RGPD4: variants seen among roughly 807,000 people sequenced by gnomAD.
RGPD4 encodes RANBP2 like and GRIP domain containing 4, also known as ranBP2-like and GRIP domain-containing protein 4.
Under a neutral mutation model 141.1 loss-of-function variants are expected in RGPD4, and 84 were observed. The observed-to-expected ratio is 0.60, with a 90% confidence interval of 0.50 to 0.71. RGPD4 has a LOEUF of 0.71. Ranked by LOEUF, RGPD4 falls within the 30% of genes least tolerant of loss-of-function variation. The probability of loss-of-function intolerance (pLI) is 0.00; values close to 1 mark genes in which losing one functional copy is unlikely to be tolerated. For missense variants in RGPD4, 918 were observed against 1,622.4 expected (o/e 0.57, Z 7.46); for synonymous variants, 298 against 566.8 (o/e 0.53, Z 6.74).
rs1239431040 is a variant in RGPD4 at position 107,840,997 on chromosome 2, G to A, written c.406-2012G>A. Reference sequence around the variant, plus strand: ...CAACTGCTATGAACAATCATGTCCAGATTTTTGAAGCTGAAAAAGCATTGA... The same window carrying A: ...CAACTGCTATGAACAATCATGTCCAAATTTTTGAAGCTGAAAAAGCATTGA... On this transcript the variant is annotated intron_variant, in intron 4 of 22. Coordinates refer to ENST00000408999, the MANE Select transcript of RGPD4 (RefSeq NM_182588.3). Among the ~76,000 whole-genome samples, 6 of 72,226 alleles carry A rather than the reference G, an allele frequency of 8.3e-5. 1 individual carries two copies. The highest frequency in any genetic ancestry group is 1.1e-4 in the Admixed American group (1 of 9,180). The allele number at this position is 72,226 out of a possible 152,430, so 47.4% of individuals were successfully genotyped here.
chr2:107,858,146 CT>C (rs938891383), intron 9 of RGPD4, among the ~76,000 whole-genome samples: 2 of 151,874 alleles, frequency 1.3e-5, no homozygotes, highest in African/African-American at 4.9e-5. Context: ...GCAATATAAT[CT>C]TTTTTATGAA....
chr2:107,829,626 G>A (rs916610419), intron 1 of RGPD4, among the ~76,000 whole-genome samples: 4 of 151,944 alleles, frequency 2.6e-5, no homozygotes, highest in Non-Finnish European at 4.4e-5. Flanking sequence ...TTGAGGCGCC[G>A]GCCGGCTGGC....
intron 22 of RGPD4, among the ~76,000 whole-genome samples, chr2:107,884,375 C>T (rs1169850386): frequency 6.6e-6 from 1 of 152,210 alleles, no homozygotes; most frequent in Non-Finnish European, 1.5e-5. Context: ...GCTGGGATTA[C>T]AGGTGTGAGA....
chr2:107,832,121 C>A (rs1681514920), intron 1 of RGPD4, among the ~76,000 whole-genome samples: 1 of 151,684 alleles, frequency 6.6e-6, no homozygotes, highest in Non-Finnish European at 1.5e-5. Context: ...CTTACTTAAA[C>A]TCAGCAACTT....
chr2:107,884,341 C>T (rs527370588), intron 22 of RGPD4, among the ~76,000 whole-genome samples: 18 of 152,230 alleles, frequency 1.2e-4, no homozygotes, highest in Admixed American at 1.2e-3. Context: ...ACCTTGTGAT[C>T]TGCCCACCTT....
chr2:107,829,681 C>T (rs2104391867), intron 1 of RGPD4, among the ~76,000 whole-genome samples: 1 of 152,256 alleles, frequency 6.6e-6, no homozygotes, highest in African/African-American at 2.4e-5. Context: ...AGGAAGAGTC[C>T]TGGGGGGACC....
intron 22 of RGPD4, among the ~76,000 whole-genome samples, chr2:107,885,241 C>G (rs2104520626): frequency 6.6e-6 from 1 of 152,088 alleles, no homozygotes; most frequent in Non-Finnish European, 1.5e-5. Flanking sequence ...AAGAGTAAAA[C>G]TGCCCCTATA....
At position 107,827,047 on chromosome 2, in the gene RGPD4, G is replaced by A. The variant is rs200269994; in HGVS notation, c.34G>A (p.Val12Ile). 6.3e-6 allele frequency: 10 copies of A among 1,597,502 alleles called. No individual in the cohort carries two copies. The highest frequency in any genetic ancestry group is 5.4e-5 in the African/African-American group (4 of 74,568). ...SCSKAYGERY[V>I]ASVQGSAPSP... ...CAGCAAGGCCTACGGGGAGCGGTAC[G>A]TCGCCTCCGTGCAGGGCTCCGCCCC... The change falls in exon 1 of 23, where the codon GTC becomes ATC. Residue 12 changes from valine to isoleucine, a missense_variant. Transcript: ENST00000408999.
chr2:107,844,447 A>G (rs1291760537), intron 6 of RGPD4, among the ~76,000 whole-genome samples: 1 of 152,234 alleles, frequency 6.6e-6, no homozygotes, highest in Non-Finnish European at 1.5e-5. Context: ...TGGTTGCAGC[A>G]GAGATTGTAT....
At position 107,847,858 on chromosome 2, in the gene RGPD4, A is replaced by G. The variant is rs1349903722; in HGVS notation, c.783-483A>G. On this transcript the variant is annotated intron_variant, in intron 6 of 22. Coordinates refer to ENST00000408999, the MANE Select transcript of RGPD4 (RefSeq NM_182588.3). The stretch of plus-strand genomic sequence containing the variant: ...AAAAAAAAAAAAAGACAATTTATTT[A>G]ATGCTGTAATGATCTATATAGTAAA... 1.7e-3 allele frequency among the ~76,000 whole-genome samples: 207 copies of G among 121,596 alleles called. 2 individuals carry two copies. Among genetic ancestry groups the G allele is most frequent in the African/African-American group, 6.2e-3 (192 of 30,962 alleles). The allele number at this position is 121,596 out of a possible 152,430, so 79.8% of individuals were successfully genotyped here. A position where few individuals can be genotyped will look rare whatever the true frequency, so the allele number is the denominator to read the frequency against.
intron 21 of RGPD4, among the ~76,000 whole-genome samples, 152 bp downstream of exon 21, chr2:107,880,259 CTT>C (rs58305715): frequency 7.7e-4 from 37 of 48,174 alleles, no homozygotes; most frequent in South Asian, 1.3e-3. Flanking sequence ...GAAATATTGC[CTT>C]TTTTTTTTTT....
At chr2:107,859,586 T>C (rs1682464776) in intron 11 of RGPD4, 32 bp downstream of exon 11, 3 of 1,611,512 alleles carry the variant, frequency 1.9e-6, no homozygotes, top group Admixed American at 1.7e-5. Context: ...TTGCTTTCAC[T>C]TAGTGCGTAG....
In RGPD4 at chr2:107,858,516, G is replaced by A. The variant is rs550722592; in HGVS notation, c.1277-598G>A. Among the ~76,000 whole-genome samples the A allele has an allele frequency of 1.2e-4, 18 of 151,194 alleles. No individual in the cohort carries two copies. In the Middle Eastern group the frequency reaches 0.014, roughly 114 times the overall value. On this transcript the variant is annotated intron_variant, in intron 9 of 22. Transcript: ENST00000408999. ...CACAGTGGCGCAATCTTGGCTCACT[G>A]CAACTTCCGCCTGCCAGGTTCAAGC...
rs1278885733 is a variant in RGPD4 at position 107,870,773 on chromosome 2, TA to T, written c.2772del (p.Lys924AsnfsTer38). ...CCATCCCTGTGTCTGCTGATGGATTTAAATTTGGCATTTCGGAACCAGGAAA... is the reference window on the plus strand; with the variant it reads ...CCATCCCTGTGTCTGCTGATGGATTTAATTTGGCATTTCGGAACCAGGAAA... ...FSIPVSADGF[K>X]FGISEPGNQE... On this transcript the variant is annotated frameshift_variant, in exon 20 of 23. Coordinates refer to ENST00000408999, the MANE Select transcript of RGPD4 (RefSeq NM_182588.3). LOFTEE classifies it high-confidence loss of function. 2.5e-6 allele frequency: 4 copies of T among 1,610,084 alleles called. No homozygotes were observed. The African/African-American group carries it at 5.4e-5, about 22-fold the overall frequency.
At chr2:107,880,259 CTTTTTTTTT>C (rs58305715) in intron 21 of RGPD4, among the ~76,000 whole-genome samples, 152 bp downstream of exon 21, 1 of 48,184 alleles carries the variant, frequency 2.1e-5, no homozygotes, top group Non-Finnish European at 3.4e-5. Context: ...GAAATATTGC[CTTTTTTTTT>C]TTTTTTTTTT....
Position 107,859,784 on chromosome 2 carries a change from A to T in RGPD4, c.1697A>T (p.Gln566Leu), listed in dbSNP as rs1463526061. ...VQHEINTLRA[Q>L]EKHGLQPALL... ...CATGAAATAAACACTCTAAGAGCCC[A>T]GGAAAAACATGGCCTTCAACCTGCT... The change falls in exon 12 of 23, where the codon CAG becomes CTG. Residue 566 changes from glutamine to leucine, a missense_variant. Gln to Leu is a moderately radical substitution (Grantham distance 113). Coordinates refer to ENST00000408999, the MANE Select transcript of RGPD4 (RefSeq NM_182588.3). 1 of 1,610,562 alleles carries T rather than the reference A, an allele frequency of 6.2e-7. No homozygotes were observed. The highest frequency in any genetic ancestry group is 1.1e-5 in the South Asian group (1 of 90,952).
intron 1 of RGPD4, among the ~76,000 whole-genome samples, chr2:107,830,449 C>A (rs1484998024): frequency 2.0e-5 from 3 of 151,712 alleles, no homozygotes; most frequent in African/African-American, 4.8e-5. Flanking sequence ...TTAGAATGTT[C>A]TTTCAACTGC....
rs1374175571 is a variant in RGPD4 at position 107,887,508 on chromosome 2, T to TA, written c.5267-3210dup. Among the ~76,000 whole-genome samples, 4 of 151,046 alleles carry TA rather than the reference T, an allele frequency of 2.6e-5. No homozygotes were observed. The South Asian group carries it at 8.4e-4, about 32-fold the overall frequency. ...ATTTGGGAAACATTAGCTTAGGGGG[T>TA]AAAGTAGGTTACCCAACTCTGAAAA... On this transcript the variant is annotated intron_variant, in intron 22 of 22. Coordinates refer to ENST00000408999, the MANE Select transcript of RGPD4 (RefSeq NM_182588.3).
At chr2:107,857,490 T>C (rs1682366132) in intron 9 of RGPD4, among the ~76,000 whole-genome samples, 1 of 150,008 alleles carries the variant, frequency 6.7e-6, no homozygotes, top group Non-Finnish European at 1.5e-5. Context: ...TGGAGTGTAG[T>C]GGCGTGATCG....
Sources: gnomAD v4.1 joint callset for allele counts (sites outside exome capture counted in the v4.1 genomes callset) on GRCh38, gnomAD v4.1.1 for gene constraint, MANE v1.5 for transcripts, NCBI Gene and HGNC (gene_info 2026-07-23, HGNC 2026-07-21) for gene names.